Variants in CDK6 observed in about 807,000 individuals in gnomAD.
The protein encoded by CDK6 is cyclin dependent kinase 6.
CDK6 carries 6 observed loss-of-function variants against 37.1 expected under a neutral mutation model. That is an observed-to-expected ratio of 0.16 (90% confidence interval 0.09 to 0.32). CDK6 has a LOEUF of 0.32. Ranked by LOEUF, CDK6 falls within the 10% of genes least tolerant of loss-of-function variation. The probability of loss-of-function intolerance (pLI) is 1.00; values close to 1 mark genes in which losing one functional copy is unlikely to be tolerated. For synonymous variants in CDK6, 160 were observed against 161.3 expected (o/e 0.99, Z 0.06); for missense variants, 224 against 418.9 (o/e 0.53, Z 4.06).
At chr7:92,701,550 C>A (rs921446776) in intron 4 of CDK6, among the ~76,000 whole-genome samples, 3 of 151,988 alleles carry the variant, frequency 2.0e-5, no homozygotes, top group South Asian at 4.2e-4. Context: ...GGACTACAGG[C>A]GCCTGCAACC....
rs572380155 is a variant in CDK6 at position 92,806,469 on chromosome 7, G to A, written c.233+26622C>T. On this transcript the variant is annotated intron_variant, in intron 2 of 7. Coordinates refer to ENST00000424848, the MANE Select transcript of CDK6 (RefSeq NM_001145306.2). ...TCTTTATAAAACGATGTAATAAAGT[G>A]CAAAATGGATATGCACGTGTCCACA... Among the ~76,000 whole-genome samples, 7 of 152,298 alleles carry A rather than the reference G, an allele frequency of 4.6e-5. No homozygotes were observed. The East Asian group carries it at 7.7e-4, about 17-fold the overall frequency.
chr7:92,835,466 TCTC>T lies in CDK6; in HGVS notation c.-368+1009_-368+1011del, dbSNP rs1801636578. On this transcript the variant is annotated intron_variant, in intron 1 of 7. Coordinates refer to ENST00000424848, the MANE Select transcript of CDK6 (RefSeq NM_001145306.2). The surrounding 1 kb of genome is among the most constrained non-coding windows in gnomAD (Gnocchi z 4.2). ...GGAGCAGCAATGCCTTTTCCCCCCC[TCTC>T]CTCCACTTTTTTTTGTTGTTGTTGT... 6.6e-6 allele frequency among the ~76,000 whole-genome samples: 1 copy of T among 150,878 alleles called. No homozygotes were observed. The highest frequency in any genetic ancestry group is 6.6e-5 in the Admixed American group (1 of 15,190).
Position 92,639,287 on chromosome 7 carries a change from T to C in CDK6, c.648-16201A>G, listed in dbSNP as rs568660721. ...TAACCAATGAACAATAGCGACATTA[T>C]TAAACGTTTGTTCTGCAAAAGGCAG... On this transcript the variant is annotated intron_variant, in intron 5 of 7. Transcript: ENST00000424848. Among the ~76,000 whole-genome samples, 322 of 152,324 alleles carry C rather than the reference T, an allele frequency of 2.1e-3. 1 individual carries two copies. The highest frequency in any genetic ancestry group is 0.011 in the South Asian group (51 of 4,822).
At chr7:92,812,513 G>T (rs866991653) in intron 2 of CDK6, among the ~76,000 whole-genome samples, 1 of 151,852 alleles carries the variant, frequency 6.6e-6, no homozygotes, top group African/African-American at 2.4e-5. Flanking sequence ...AAACTCCTAG[G>T]CTCAAGCCTT....
chr7:92,806,580 C>G (rs6951960), intron 2 of CDK6, among the ~76,000 whole-genome samples: 7 of 152,100 alleles, frequency 4.6e-5, no homozygotes, highest in African/African-American at 1.7e-4. Flanking sequence ...TTACCACTTA[C>G]CTATACATTT....
chr7:92,820,026 T>G (rs1387253378), intron 2 of CDK6, among the ~76,000 whole-genome samples: 1 of 151,892 alleles, frequency 6.6e-6, no homozygotes, highest in Non-Finnish European at 1.5e-5. Context: ...TTAGAAAGAT[T>G]CCACAGAATG....
chr7:92,744,390 C>G (rs910563390), intron 3 of CDK6, among the ~76,000 whole-genome samples: 3 of 152,132 alleles, frequency 2.0e-5, no homozygotes, highest in African/African-American at 7.2e-5. Flanking sequence ...TACTCATTAC[C>G]ACTAGAACAG....
intron 2 of CDK6, among the ~76,000 whole-genome samples, chr7:92,811,222 A>C (rs1800875297): frequency 6.6e-6 from 1 of 152,170 alleles, no homozygotes; most frequent in African/African-American, 2.4e-5. Flanking sequence ...GACATTCTTC[A>C]GCTATATAAA....
chr7:92,807,656 A>G (rs1800762430), intron 2 of CDK6, among the ~76,000 whole-genome samples: 1 of 151,874 alleles, frequency 6.6e-6, no homozygotes, highest in African/African-American at 2.4e-5. Context: ...CACTAGTACT[A>G]TCTCAACCTT....
intron 6 of CDK6, among the ~76,000 whole-genome samples, chr7:92,622,126 C>G (rs895831932): frequency 7.9e-5 from 12 of 151,474 alleles, no homozygotes; most frequent in Non-Finnish European, 1.6e-4. Context: ...CACTTTTTTC[C>G]TACTCCACTC....
At chr7:92,777,188 G>T (rs1799871720) in intron 2 of CDK6, among the ~76,000 whole-genome samples, 1 of 151,992 alleles carries the variant, frequency 6.6e-6, no homozygotes, top group African/African-American at 2.4e-5. Context: ...GTTTTTGTCA[G>T]GTTTGTCAAA....
chr7:92,690,092 T>C (rs764079089), intron 4 of CDK6, among the ~76,000 whole-genome samples: 3 of 152,172 alleles, frequency 2.0e-5, no homozygotes, highest in Non-Finnish European at 4.4e-5. Flanking sequence ...AGAAACATGA[T>C]AGTTTCTTTT....
rs142656082 is a variant in CDK6 at position 92,653,372 on chromosome 7, C to T, written c.647+18054G>A. ...TGTTTGAAATCCTGACACAGAAGAA[C>T]GTACTCTTTATCTGAGTATCCTGCA... On this transcript the variant is annotated intron_variant, in intron 5 of 7. Coordinates refer to ENST00000424848, the MANE Select transcript of CDK6 (RefSeq NM_001145306.2). Among the ~76,000 whole-genome samples, 405 of 152,298 alleles carry T rather than the reference C, an allele frequency of 2.7e-3. 2 individuals are homozygous for T. Among genetic ancestry groups the T allele is most frequent in the African/African-American group, 9.5e-3 (393 of 41,548 alleles).
intron 4 of CDK6, among the ~76,000 whole-genome samples, chr7:92,703,463 G>C (rs1414671181): frequency 1.3e-5 from 2 of 152,232 alleles, no homozygotes; most frequent in East Asian, 3.9e-4. Context: ...CAAATCTCAA[G>C]ATAGGTAAAA....
intron 4 of CDK6, among the ~76,000 whole-genome samples, chr7:92,698,950 C>T (rs1202967945): frequency 3.9e-5 from 6 of 152,162 alleles, no homozygotes; most frequent in Non-Finnish European, 8.8e-5. Flanking sequence ...TATATGGGCT[C>T]TGGCTTATGA....
chr7:92,665,834 C>A (rs1049992497), intron 5 of CDK6, among the ~76,000 whole-genome samples: 8 of 152,224 alleles, frequency 5.3e-5, no homozygotes, highest in Non-Finnish European at 1.2e-4. Context: ...GTAGAAAAAT[C>A]AAAGGCGATC....
intron 5 of CDK6, among the ~76,000 whole-genome samples, chr7:92,636,548 A>G (rs1206913305): frequency 6.6e-6 from 1 of 152,214 alleles, no homozygotes; most frequent in Admixed American, 6.5e-5. Flanking sequence ...AGAGAAAAAT[A>G]TCACCGGCAA....
intron 5 of CDK6, among the ~76,000 whole-genome samples, chr7:92,663,661 A>G (rs554043347): frequency 1.3e-5 from 2 of 151,478 alleles, no homozygotes; most frequent in South Asian, 4.2e-4. Context: ...AGATTGCACC[A>G]CTGCACTCCA....
At chr7:92,641,003 G>A (rs1796292274) in intron 5 of CDK6, among the ~76,000 whole-genome samples, 1 of 152,014 alleles carries the variant, frequency 6.6e-6, no homozygotes, top group Admixed American at 6.6e-5. Flanking sequence ...TTTTATATAA[G>A]AAAAGCAGAT....
Sources: gnomAD v4.1 joint callset for allele counts (sites outside exome capture counted in the v4.1 genomes callset) on GRCh38, gnomAD v4.1.1 for gene constraint, Gnocchi (gnomAD v3.1) non-coding constraint, MANE v1.5 for transcripts, NCBI Gene and HGNC (gene_info 2026-07-23, HGNC 2026-07-21) for gene names.